Variants in KCNN3 observed in about 807,000 individuals in gnomAD.
The protein encoded by KCNN3 is small conductance calcium-activated potassium channel protein 3.
In KCNN3, 16 loss-of-function variants were observed where a neutral mutation model predicts 62.9. The ratio of observed to expected loss-of-function variants is 0.25; its 90% CI spans 0.17 to 0.39. The LOEUF is 0.39. Among genes scored for constraint, KCNN3 ranks in the 10% least tolerant of loss-of-function variants. The probability of loss-of-function intolerance (pLI) is 1.00; values close to 1 mark genes in which losing one functional copy is unlikely to be tolerated. For synonymous variants in KCNN3, 370 were observed against 389.2 expected (o/e 0.95, Z 0.58); for missense variants, 599 against 949.4 (o/e 0.63, Z 4.85).
At chr1:154,800,699 C>T (rs1340574271) in intron 2 of KCNN3, among the ~76,000 whole-genome samples, 1 of 152,076 alleles carries the variant, frequency 6.6e-6, no homozygotes, top group African/African-American at 2.4e-5. Flanking sequence ...GGAGTTCCTT[C>T]CCTAGACTCC....
At chr1:154,771,644 C>CAT (rs1648563638) in intron 3 of KCNN3, among the ~76,000 whole-genome samples, 1 of 152,186 alleles carries the variant, frequency 6.6e-6, no homozygotes, top group African/African-American at 2.4e-5. Flanking sequence ...TGCTAATAAG[C>CAT]ATTATTAATA....
At chr1:154,771,447 G>C (rs1648556271) in intron 3 of KCNN3, among the ~76,000 whole-genome samples, 2 of 152,210 alleles carry the variant, frequency 1.3e-5, no homozygotes, top group Non-Finnish European at 2.9e-5. Context: ...TAAGGCCTGA[G>C]ATTCTGGGAA....
chr1:154,780,596 T>TTA (rs375053074), intron 2 of KCNN3, among the ~76,000 whole-genome samples: 5,607 of 146,164 alleles, frequency 0.038, 299 homozygotes, highest in African/African-American at 0.12. Flanking sequence ...GTTTTATATT[T>TTA]TATATATATA....
At chr1:154,748,302 C>T (rs1006292149) in intron 3 of KCNN3, among the ~76,000 whole-genome samples, 1 of 152,162 alleles carries the variant, frequency 6.6e-6, no homozygotes, top group Non-Finnish European at 1.5e-5. Flanking sequence ...CGCCTGCAAG[C>T]TTTCTCTCTC....
chr1:154,742,215 C>T lies in KCNN3; in HGVS notation c.1449-9071G>A, dbSNP rs1360297574. 2.6e-5 allele frequency among the ~76,000 whole-genome samples: 4 copies of T among 152,340 alleles called. No individual in the cohort carries two copies. The East Asian group carries it at 5.8e-4, about 22-fold the overall frequency. On this transcript the variant is annotated intron_variant, in intron 3 of 7. Transcript: ENST00000271915. ...ATGCCTTCTAACTGGCCCTTCAGGA[C>T]CCACTTCAAATCCCATCCTGACCCA...
chr1:154,764,018 T>C (rs1230974496), intron 3 of KCNN3, among the ~76,000 whole-genome samples: 2 of 152,248 alleles, frequency 1.3e-5, no homozygotes, highest in African/African-American at 2.4e-5. Flanking sequence ...TGAGAATTTC[T>C]ATTCGTTTGC....
chr1:154,773,628 A>T (rs1648665769), intron 2 of KCNN3, among the ~76,000 whole-genome samples: 1 of 152,062 alleles, frequency 6.6e-6, no homozygotes, highest in South Asian at 2.1e-4. Context: ...TCCATTGGAG[A>T]ATTGCTTGGT....
rs371063589 is a variant in KCNN3, at chr1:154,707,985, G to A, written c.2187C>T (p.Ser729=). The change falls in exon 8 of 8, where the codon AGC becomes AGT. Residue 729 remains serine, a synonymous_variant. Transcript: ENST00000271915. The part of the protein sequence containing the change: ...TSFPTPYTSS[S]SC The stretch of plus-strand genomic sequence containing the variant: ...GAGTGGGGAGATTTATTTAGCAACT[G>A]CTTGAACTTGTGTACGGGGTCGGGA... The A allele has an allele frequency of 6.2e-7, 1 of 1,613,458 alleles. No homozygotes were observed. The highest frequency in any genetic ancestry group is 8.5e-7 in the Non-Finnish European group (1 of 1,179,632).
chr1:154,767,337 G>A (rs1474865432), intron 3 of KCNN3, among the ~76,000 whole-genome samples: 2 of 152,182 alleles, frequency 1.3e-5, no homozygotes, highest in Non-Finnish European at 2.9e-5. Flanking sequence ...CACTGAGACA[G>A]CCTGTTGCAG....
intron 2 of KCNN3, among the ~76,000 whole-genome samples, chr1:154,803,599 G>A (rs1358107189): frequency 6.6e-6 from 1 of 152,164 alleles, no homozygotes; most frequent in Non-Finnish European, 1.5e-5. Context: ...CCTTCACGTG[G>A]CATATTTTAC....
intron 2 of KCNN3, among the ~76,000 whole-genome samples, chr1:154,773,515 G>A (rs1648661437): frequency 6.6e-6 from 1 of 152,250 alleles, no homozygotes; most frequent in South Asian, 2.1e-4. Context: ...AGCATCGGAA[G>A]TCAGGTAAAT....
chr1:154,708,814 A>G (rs1408051895), intron 7 of KCNN3, among the ~76,000 whole-genome samples: 2 of 152,136 alleles, frequency 1.3e-5, no homozygotes, highest in Non-Finnish European at 2.9e-5. Context: ...GTTATTGCAC[A>G]TCTCCCAACC....
intron 4 of KCNN3, among the ~76,000 whole-genome samples, chr1:154,729,507 C>G (rs1286903649): frequency 3.3e-5 from 5 of 152,104 alleles, no homozygotes; most frequent in African/African-American, 4.8e-5. Context: ...CCTCCCACCT[C>G]TTGTTTTCAA....
chr1:154,804,097 G>C (rs898607275), intron 2 of KCNN3, among the ~76,000 whole-genome samples: 1 of 152,216 alleles, frequency 6.6e-6, no homozygotes, highest in Non-Finnish European at 1.5e-5. Context: ...CGCTCTCTGG[G>C]ATGCACCTTG....
chr1:154,699,638 A>G lies in KCNN3; in HGVS notation c.*8338T>C, dbSNP rs1238694453. The G allele has an allele frequency of 6.6e-6, 1 of 152,216 alleles. No homozygotes were observed. Among genetic ancestry groups the G allele is most frequent in the Non-Finnish European group, 1.5e-5 (1 of 68,042 alleles). 9.4% of individuals were successfully genotyped at this position (152,216 alleles called of 1,614,324 possible). Reference sequence around the variant, plus strand: ...CCTTGGAGTGTTTCTTGTTGGTGCAATGAGTAAGAGAATTGGCTTTCAAGG... The same window carrying G: ...CCTTGGAGTGTTTCTTGTTGGTGCAGTGAGTAAGAGAATTGGCTTTCAAGG... On this transcript the variant is annotated 3_prime_UTR_variant, in exon 8 of 8. Transcript: ENST00000271915.
intron 1 of KCNN3, among the ~76,000 whole-genome samples, chr1:154,867,081 TTCCCCAC>T (rs1428545606): frequency 6.6e-6 from 1 of 152,186 alleles, no homozygotes; most frequent in African/African-American, 2.4e-5. Context: ...GGATTGCCCC[TTCCCCAC>T]ACCCCCCTTG....
chr1:154,786,993 T>C (rs888596197), intron 2 of KCNN3, among the ~76,000 whole-genome samples: 10 of 152,124 alleles, frequency 6.6e-5, no homozygotes, highest in African/African-American at 2.4e-4. Flanking sequence ...GCCCCCAGGA[T>C]TTTATGAATA....
rs891657370 is a variant in KCNN3 at position 154,766,928 on chromosome 1, G to A, written c.1448+5047C>T. 3.3e-5 allele frequency among the ~76,000 whole-genome samples: 5 copies of A among 151,984 alleles called. No individual in the cohort carries two copies. The South Asian group carries it at 6.2e-4, about 19-fold the overall frequency. ...GATCTCCTGACCTCGTGATCTGCCC[G>A]CCTCGGCCTCCCAAAGTGCTGGGAT... On this transcript the variant is annotated intron_variant, in intron 3 of 7. Transcript: ENST00000271915.
At chr1:154,830,899 G>A (rs886559247) in intron 1 of KCNN3, among the ~76,000 whole-genome samples, 7 of 152,170 alleles carry the variant, frequency 4.6e-5, no homozygotes, top group African/African-American at 1.2e-4. Flanking sequence ...CAAGTCAGAC[G>A]GGGCACCCCT....
Sources: gnomAD v4.1 joint callset for allele counts (sites outside exome capture counted in the v4.1 genomes callset) on GRCh38, gnomAD v4.1.1 for gene constraint, MANE v1.5 for transcripts, NCBI Gene and HGNC (gene_info 2026-07-23, HGNC 2026-07-21) for gene names.